KIAA1217: variants seen among roughly 807,000 people sequenced by gnomAD.
KIAA1217 encodes the protein sickle tail protein homolog.
Under a neutral mutation model 163.9 loss-of-function variants are expected in KIAA1217, and 88 were observed. That is an observed-to-expected ratio of 0.54 (90% confidence interval 0.45 to 0.64). The LOEUF is 0.64. Ranked by LOEUF, KIAA1217 falls within the 30% of genes least tolerant of loss-of-function variation. KIAA1217 has a pLI of 0.00. For missense variants in KIAA1217, 2,372 were observed against 2,475.0 expected, an observed-to-expected ratio of 0.96 and a Z score of 0.88; for synonymous variants, 903 against 923.1, an observed-to-expected ratio of 0.98 and a Z score of 0.39.
At chr10:24,480,540 C>A (rs1053102287) in intron 6 of KIAA1217, among the ~76,000 whole-genome samples, 2 of 152,178 alleles carry the variant, frequency 1.3e-5, no homozygotes, top group African/African-American at 4.8e-5. Context: ...CCTCCATTTG[C>A]TCAACTGTGA....
At chr10:24,322,732 G>A (rs972267750) in intron 2 of KIAA1217, among the ~76,000 whole-genome samples, 6 of 152,198 alleles carry the variant, frequency 3.9e-5, no homozygotes, top group South Asian at 4.2e-4. Context: ...TCTATTCTGC[G>A]TCTCACCTTG....
At chr10:23,841,729 G>A (rs1041888380) in intron 1 of KIAA1217, among the ~76,000 whole-genome samples, 7 of 152,006 alleles carry the variant, frequency 4.6e-5, no homozygotes, top group African/African-American at 1.7e-4. Context: ...AACTTAATGG[G>A]TAATTTATTA....
chr10:24,459,175 C>G (rs912244544), intron 5 of KIAA1217, among the ~76,000 whole-genome samples: 4 of 152,184 alleles, frequency 2.6e-5, no homozygotes, highest in Non-Finnish European at 2.9e-5. Flanking sequence ...CCCCAGGGCA[C>G]CTGGACTTTC....
chr10:24,160,034 T>C (rs1400091401), intron 2 of KIAA1217, among the ~76,000 whole-genome samples: 1 of 152,192 alleles, frequency 6.6e-6, no homozygotes, highest in Non-Finnish European at 1.5e-5. Context: ...AGTGTGGGTA[T>C]GTTTCTGGAT....
At chr10:24,074,364 A>G (rs2061295014) in intron 2 of KIAA1217, among the ~76,000 whole-genome samples, 1 of 152,066 alleles carries the variant, frequency 6.6e-6, no homozygotes, top group Non-Finnish European at 1.5e-5. Context: ...AACAACAACA[A>G]CAACAAAAAC....
intron 1 of KIAA1217, among the ~76,000 whole-genome samples, chr10:23,816,607 G>A (rs1462812101): frequency 6.6e-6 from 1 of 152,120 alleles, no homozygotes; most frequent in Non-Finnish European, 1.5e-5. Context: ...TTCACTTTTT[G>A]ATAATACTGT....
chr10:23,986,393 C>T (rs1845971368), intron 1 of KIAA1217, among the ~76,000 whole-genome samples: 2 of 152,172 alleles, frequency 1.3e-5, no homozygotes, highest in South Asian at 4.1e-4. Flanking sequence ...TACCAAAATC[C>T]ACAGATGCTC....
intron 1 of KIAA1217, among the ~76,000 whole-genome samples, chr10:24,218,174 T>G (rs910811987): frequency 1.3e-5 from 2 of 151,902 alleles, no homozygotes; most frequent in Non-Finnish European, 2.9e-5. Flanking sequence ...AATCTATTTG[T>G]TTTTTTTAAA....
chr10:24,241,730 C>A (rs116351368), intron 2 of KIAA1217, among the ~76,000 whole-genome samples: 340 of 152,334 alleles, frequency 2.2e-3, no homozygotes, highest in African/African-American at 7.7e-3. Flanking sequence ...ATCCTACATC[C>A]ATTGTATGTA....
At position 23,881,164 on chromosome 10, in the gene KIAA1217, C is replaced by T. The variant is rs560162391; in HGVS notation, c.-320-126061C>T. On this transcript the variant is annotated intron_variant, in intron 1 of 18. Coordinates refer to the KIAA1217 transcript ENST00000376462. Reference sequence around the variant, plus strand: ...TATGGTGTGAAGAAAGTGTCTGTTTCGATGAAAGGTAAACACATTTCTTAC... The same window carrying T: ...TATGGTGTGAAGAAAGTGTCTGTTTTGATGAAAGGTAAACACATTTCTTAC... Among the ~76,000 whole-genome samples, 35 of 151,342 alleles carry T rather than the reference C, an allele frequency of 2.3e-4. 1 individual carries two copies. The East Asian group carries it at 3.3e-3, about 14-fold the overall frequency.
intron 2 of KIAA1217, among the ~76,000 whole-genome samples, chr10:24,110,600 T>TAAAAAA (rs11452842): frequency 7.1e-6 from 1 of 140,356 alleles, no homozygotes; most frequent in African/African-American, 2.5e-5. Flanking sequence ...CTGTGGGCCT[T>TAAAAAA]AAAAAAAAAA....
rs533759910 is a variant in KIAA1217 at position 24,273,722 on chromosome 10, C to T, written c.354+53813C>T. Among the ~76,000 whole-genome samples, 3 of 151,774 alleles carry T rather than the reference C, an allele frequency of 2.0e-5. No homozygotes were observed. The Admixed American group carries it at 2.0e-4, about 10-fold the overall frequency. On this transcript the variant is annotated intron_variant, in intron 2 of 20. Coordinates refer to ENST00000376454, the MANE Select transcript of KIAA1217 (RefSeq NM_019590.5). ...CAAATATCAGCCGGGTGTGGTGGCACATGCCTGTAATCACAGCTACTCGGG... is the reference window on the plus strand; with the variant it reads ...CAAATATCAGCCGGGTGTGGTGGCATATGCCTGTAATCACAGCTACTCGGG...
At chr10:24,394,624 A>T (rs1199308120) in intron 3 of KIAA1217, among the ~76,000 whole-genome samples, 1 of 152,170 alleles carries the variant, frequency 6.6e-6, no homozygotes, top group African/African-American at 2.4e-5. Flanking sequence ...CTGACTTTAA[A>T]ATATCCATAA....
intron 1 of KIAA1217, among the ~76,000 whole-genome samples, chr10:23,708,252 G>T (rs1837017282): frequency 6.6e-6 from 1 of 152,154 alleles, no homozygotes; most frequent in Non-Finnish European, 1.5e-5. Flanking sequence ...TCTCCTACCA[G>T]GTCCCTCCCA....
chr10:23,818,182 A>T (rs909716930), intron 1 of KIAA1217, among the ~76,000 whole-genome samples: 2 of 144,310 alleles, frequency 1.4e-5, no homozygotes, highest in African/African-American at 2.5e-5. Context: ...GATGACATCA[A>T]TAAAGGTATT....
At chr10:23,927,287 C>G (rs947156901) in intron 1 of KIAA1217, among the ~76,000 whole-genome samples, 1 of 150,288 alleles carries the variant, frequency 6.7e-6, no homozygotes. Flanking sequence ...AGCAGTAGTT[C>G]CATTTTCTCT....
At chr10:24,194,564 C>G (rs1416075075) in intron 2 of KIAA1217, among the ~76,000 whole-genome samples, 1 of 151,042 alleles carries the variant, frequency 6.6e-6, no homozygotes, top group East Asian at 2.0e-4. Context: ...CACAGGCAGC[C>G]TCTTTTCTTT....
intron 1 of KIAA1217, among the ~76,000 whole-genome samples, chr10:23,860,722 T>A (rs1839911333): frequency 6.6e-6 from 1 of 152,190 alleles, no homozygotes; most frequent in Non-Finnish European, 1.5e-5. Context: ...TTTAACCTGC[T>A]ATGGGCAACA....
chr10:24,185,373 CGA>C (rs1491290821), intron 2 of KIAA1217, among the ~76,000 whole-genome samples: 2 of 134,882 alleles, frequency 1.5e-5, no homozygotes, highest in Non-Finnish European at 3.5e-5. Context: ...TGCAAGTCCT[CGA>C]ACTCTTCCTT....
Sources: gnomAD v4.1 joint callset for allele counts (sites outside exome capture counted in the v4.1 genomes callset) on GRCh38, gnomAD v4.1.1 for gene constraint, MANE v1.5 for transcripts, NCBI Gene and HGNC (gene_info 2026-07-23, HGNC 2026-07-21) for gene names.